PTPRT: variants seen among roughly 807,000 people sequenced by gnomAD.
PTPRT encodes protein tyrosine phosphatase receptor type T, also known as receptor-type tyrosine-protein phosphatase T.
PTPRT carries 56 observed loss-of-function variants against 176.8 expected under a neutral mutation model. The ratio of observed to expected loss-of-function variants is 0.32; its 90% confidence interval spans 0.26 to 0.40. The LOEUF is 0.40. Ranked by LOEUF, PTPRT falls within the 10% of genes least tolerant of loss-of-function variation. The pLI is 1.00. For missense variants in PTPRT, 1,540 were observed against 1,908.2 expected, an observed-to-expected ratio of 0.81 and a Z score of 3.60; for synonymous variants, 783 against 739.0, an observed-to-expected ratio of 1.06 and a Z score of -0.96.
chr20:42,922,605 T>C (rs1352521295), intron 1 of PTPRT, among the ~76,000 whole-genome samples: 1 of 152,210 alleles, frequency 6.6e-6, no homozygotes, highest in African/African-American at 2.4e-5. Flanking sequence ...TTCCTTAGTC[T>C]TGCCCACACC....
At chr20:42,385,738 A>G (rs919494285) in intron 9 of PTPRT, among the ~76,000 whole-genome samples, 2 of 152,140 alleles carry the variant, frequency 1.3e-5, no homozygotes, top group Non-Finnish European at 2.9e-5. Flanking sequence ...CAGGCAAGAG[A>G]GCTTGTGCAG....
chr20:42,623,890 T>A (rs2074243789), intron 7 of PTPRT, among the ~76,000 whole-genome samples: 1 of 152,024 alleles, frequency 6.6e-6, no homozygotes, highest in Non-Finnish European at 1.5e-5. Flanking sequence ...TTGGTTCTAC[T>A]GCAACCAGCC....
chr20:42,771,986 T>C (rs186921661), intron 4 of PTPRT, among the ~76,000 whole-genome samples: 1 of 152,012 alleles, frequency 6.6e-6, no homozygotes, highest in African/African-American at 2.4e-5. Flanking sequence ...ACACTGAAAG[T>C]TAAAAGAAAA....
At chr20:42,377,823 A>T (rs1600919293) in intron 9 of PTPRT, among the ~76,000 whole-genome samples, 1 of 152,354 alleles carries the variant, frequency 6.6e-6, no homozygotes, top group East Asian at 1.9e-4. Flanking sequence ...AGGAAGAGAA[A>T]GATGAAGCCA....
chr20:42,561,287 C>A (rs2072947538), intron 7 of PTPRT, among the ~76,000 whole-genome samples: 1 of 152,180 alleles, frequency 6.6e-6, no homozygotes, highest in South Asian at 2.1e-4. Context: ...AATCATTGCC[C>A]ATTTTCCTAA....
chr20:42,161,806 C>G (rs1016931358), intron 16 of PTPRT, among the ~76,000 whole-genome samples: 2 of 152,166 alleles, frequency 1.3e-5, no homozygotes, highest in Non-Finnish European at 2.9e-5. Context: ...GTTCATCATC[C>G]CCGTCTGTCT....
At chr20:42,060,136 A>G in the PTPRT span, among the ~76,000 whole-genome samples, 5 of 152,178 alleles carry the variant, frequency 3.3e-5, no homozygotes, top group African/African-American at 1.2e-4. Flanking sequence ...CATTCATCTA[A>G]AGGGCCCAAA....
intron 13 of PTPRT, among the ~76,000 whole-genome samples, chr20:42,252,033 T>C (rs953879364): frequency 2.0e-5 from 3 of 152,150 alleles, no homozygotes; most frequent in Non-Finnish European, 4.4e-5. Flanking sequence ...TAGGCTCAGG[T>C]GATGACAGTG....
Position 42,821,107 on chromosome 20 carries a change from A to C in PTPRT, c.215-29641T>G, listed in dbSNP as rs370591124. Among the ~76,000 whole-genome samples the C allele has an allele frequency of 4.6e-5, 7 of 152,212 alleles. No individual in the cohort carries two copies. The South Asian group carries it at 1.4e-3, about 32-fold the overall frequency. ...ATACCAAAACCAGGAAGACACAACA[A>C]AAAAGGAAAACTTCAGGCCAATATC... On this transcript the variant is annotated intron_variant, in intron 2 of 30. Transcript: ENST00000373187.
intron 1 of PTPRT, among the ~76,000 whole-genome samples, chr20:43,041,764 T>G (rs1274251699): frequency 6.6e-6 from 1 of 152,256 alleles, no homozygotes; most frequent in Non-Finnish European, 1.5e-5. Flanking sequence ...CCCACTAGCT[T>G]TTTTTGTAAA....
chr20:42,797,011 G>A (rs187987673), intron 2 of PTPRT, among the ~76,000 whole-genome samples: 35 of 152,258 alleles, frequency 2.3e-4, no homozygotes, highest in Admixed American at 4.6e-4. Context: ...GATAAGTATC[G>A]CTGCATGTAG....
chr20:42,649,466 C>T (rs2074988725), intron 7 of PTPRT, among the ~76,000 whole-genome samples: 1 of 152,156 alleles, frequency 6.6e-6, no homozygotes, highest in Non-Finnish European at 1.5e-5. Flanking sequence ...ACTCATCTCT[C>T]TCTTTGCTCA....
At chr20:42,056,613 G>A in the PTPRT span, among the ~76,000 whole-genome samples, 4 of 152,224 alleles carry the variant, frequency 2.6e-5, no homozygotes, top group South Asian at 2.1e-4. Context: ...GTGGATATGA[G>A]TGCACATGGT....
chr20:42,915,901 C>A (rs942835867), intron 1 of PTPRT, among the ~76,000 whole-genome samples: 1 of 151,490 alleles, frequency 6.6e-6, no homozygotes, highest in African/African-American at 2.4e-5. Flanking sequence ...ATGCCCGGCC[C>A]GCTATTGTTT....
intron 27 of PTPRT, among the ~76,000 whole-genome samples, chr20:42,088,568 A>C (rs1984267748): frequency 6.6e-6 from 1 of 152,308 alleles, no homozygotes; most frequent in Non-Finnish European, 1.5e-5. Flanking sequence ...GCTTAGGAAT[A>C]TTCACCTTAT....
At chr20:42,242,135 T>A (rs566656435) in intron 14 of PTPRT, among the ~76,000 whole-genome samples, 1 of 152,206 alleles carries the variant, frequency 6.6e-6, no homozygotes, top group Admixed American at 6.5e-5. Context: ...CAAAATTTTG[T>A]GGCAATGTGC....
At chr20:43,010,462 G>C (rs1273469204) in intron 1 of PTPRT, among the ~76,000 whole-genome samples, 1 of 152,140 alleles carries the variant, frequency 6.6e-6, no homozygotes. Flanking sequence ...TCTGCTCATA[G>C]TGTCTACTGG....
chr20:42,383,673 T>C (rs543675622), intron 9 of PTPRT, among the ~76,000 whole-genome samples: 1 of 152,296 alleles, frequency 6.6e-6, no homozygotes, highest in East Asian at 1.9e-4. Context: ...TTATATTTTG[T>C]CCCCTAAGAA....
intron 6 of PTPRT, among the ~76,000 whole-genome samples, chr20:42,737,632 C>CAA (rs3064883): frequency 0.64 from 93,180 of 144,662 alleles, 30,708 homozygotes; most frequent in East Asian, 0.91. Flanking sequence ...ATTCTGCCTC[C>CAA]AAAAAAAAAA....
Sources: gnomAD v4.1 joint callset for allele counts (sites outside exome capture counted in the v4.1 genomes callset) on GRCh38, gnomAD v4.1.1 for gene constraint, MANE v1.5 for transcripts, NCBI Gene and HGNC (gene_info 2026-07-23, HGNC 2026-07-21) for gene names.